The following EP300 variants were observed in gnomAD, a reference collection of about 807,000 sequenced individuals.
EP300 encodes EP300 lysine acetyltransferase.
In EP300, 31 loss-of-function variants were observed where a neutral mutation model predicts 264.0. That is an observed-to-expected ratio of 0.12 (90% CI 0.09 to 0.16). The LOEUF is 0.16. Among genes scored for constraint, EP300 ranks in the 10% least tolerant of loss-of-function variants. EP300 has a pLI of 1.00. For missense variants in EP300, 2,766 were observed against 3,052.9 expected, an observed-to-expected ratio of 0.91 and a Z score of 2.21; for synonymous variants, 1,340 against 1,045.4, an observed-to-expected ratio of 1.28 and a Z score of -5.44.
chr22:41,097,808 CAG>C (rs1220784961), intron 1 of EP300, among the ~76,000 whole-genome samples: 2 of 151,350 alleles, frequency 1.3e-5, no homozygotes, highest in Non-Finnish European at 2.9e-5. Flanking sequence ...TTTTTTGAGG[CAG>C]AGTCTCGCTT....
intron 23 of EP300, chr22:41,168,189 G>T (rs1357649014): frequency 2.1e-6 from 1 of 477,478 alleles, no homozygotes. Flanking sequence ...TGGGGAAAAT[G>T]ATATTTAGAA....
At chr22:41,152,067 A>G in intron 15 of EP300, 55 bp downstream of exon 15, 1 of 1,606,902 alleles carries the variant, frequency 6.2e-7, no homozygotes, top group Non-Finnish European at 8.5e-7. Context: ...ATAGGAACCC[A>G]AGTTTTAAAA....
At chr22:41,146,673 G>A (rs2145732032) in intron 10 of EP300, 66 bp from the exon 11 acceptor site, 2 of 1,345,192 alleles carry the variant, frequency 1.5e-6, no homozygotes, top group Non-Finnish European at 2.1e-6. Flanking sequence ...GTTTGTGTGT[G>A]CAGTGAGTTT....
rs760059559 is a variant in EP300, at chr22:41,149,797, C to T, written c.2416C>T (p.Pro806Ser). The T allele has an allele frequency of 1.2e-6, 2 of 1,614,112 alleles. No homozygotes were observed. Among genetic ancestry groups the T allele is most frequent in the Non-Finnish European group, 8.5e-7 (1 of 1,180,006 alleles). Reference protein sequence around the residue: ...MSSSSCPVNSPIMPPGSQGSH... With the variant: ...MSSSSCPVNSSIMPPGSQGSH... Reference sequence around the variant, plus strand: ...TAGTTCTTCCTGCCCGGTGAACTCTCCTATAATGCCTCCAGGGTCTCAGGG... The same window carrying T: ...TAGTTCTTCCTGCCCGGTGAACTCTTCTATAATGCCTCCAGGGTCTCAGGG... Residue 806 changes from proline (P) to serine (S), a missense_variant, in exon 14 of 31, where the codon CCT becomes TCT. Transcript: ENST00000263253.
intron 8 of EP300, among the ~76,000 whole-genome samples, chr22:41,139,316 T>G (rs1435769841): frequency 6.6e-6 from 1 of 152,234 alleles, no homozygotes; most frequent in Non-Finnish European, 1.5e-5. Context: ...TTCACAAGTT[T>G]AATGAAATTA....
At chr22:41,171,562 C>A (rs2059170978) in intron 27 of EP300, among the ~76,000 whole-genome samples, 1 of 151,998 alleles carries the variant, frequency 6.6e-6, no homozygotes, top group South Asian at 2.1e-4. Context: ...GTCTCAAACT[C>A]CTGAGCTCAA....
Position 41,131,642 on chromosome 22 carries a change from G to T in EP300, c.1528+9G>T, listed in dbSNP as rs369904435. On this transcript the variant is annotated intron_variant, in intron 6 of 30. Coordinates refer to ENST00000263253, the MANE Select transcript of EP300 (RefSeq NM_001429.4). ...GCCCATGAGCAACATGAGTAAGTTT[G>T]TGTCATCCTAATAACATGGTATTGG... 1 of 1,614,080 alleles carries T rather than the reference G, an allele frequency of 6.2e-7. No homozygotes were observed. Among genetic ancestry groups the T allele is most frequent in the Non-Finnish European group, 8.5e-7 (1 of 1,180,044 alleles).
intron 10 of EP300, among the ~76,000 whole-genome samples, chr22:41,141,919 C>T (rs369768252): frequency 3.9e-5 from 6 of 152,114 alleles, no homozygotes; most frequent in African/African-American, 7.2e-5. Context: ...TCAAATGATC[C>T]GCCCACCTTG....
At chr22:41,134,953 G>A (rs1191513757) in intron 6 of EP300, among the ~76,000 whole-genome samples, 1 of 151,686 alleles carries the variant, frequency 6.6e-6, no homozygotes, top group Non-Finnish European at 1.5e-5. Context: ...TGTCGCCCAG[G>A]CTGGAGTGTA....
chr22:41,119,698 C>G (rs1369247168), intron 2 of EP300, among the ~76,000 whole-genome samples: 1 of 146,676 alleles, frequency 6.8e-6, no homozygotes, highest in Non-Finnish European at 1.5e-5. Flanking sequence ...TAATTTCTTT[C>G]AGAAACTGGG....
chr22:41,136,207 G>A (rs1435970111), intron 7 of EP300, among the ~76,000 whole-genome samples: 1 of 152,108 alleles, frequency 6.6e-6, no homozygotes, highest in Non-Finnish European at 1.5e-5. Flanking sequence ...TGTACTTTTG[G>A]TAGAGACAGG....
rs1316623755 is a variant in EP300 at position 41,092,603 on chromosome 22, G to C, written c.-402G>C. 2 of 617,062 alleles carry C rather than the reference G, an allele frequency of 3.2e-6. No homozygotes were observed. Among genetic ancestry groups the C allele is most frequent in the Non-Finnish European group, 5.9e-6 (2 of 340,182 alleles). The allele number at this position is 617,062 out of a possible 1,614,324, so 38.2% of individuals were successfully genotyped here. A position where few individuals can be genotyped will look rare whatever the true frequency, so the allele number is the denominator to read the frequency against. On this transcript the variant is annotated 5_prime_UTR_variant, in exon 1 of 31. Coordinates refer to ENST00000263253, the MANE Select transcript of EP300 (RefSeq NM_001429.4). ...CTCCTTGTGGCGATGAGAAGGAGGA[G>C]GACAGCGCCGAGGAGGAAGAGGTTG...
intron 22 of EP300, among the ~76,000 whole-genome samples, chr22:41,166,114 A>G (rs2059132892): frequency 6.6e-6 from 1 of 152,170 alleles, no homozygotes; most frequent in Non-Finnish European, 1.5e-5. Flanking sequence ...TGTCTGCTGC[A>G]TTTTTAATGG....
chr22:41,146,382 G>C (rs2059010892), intron 10 of EP300, among the ~76,000 whole-genome samples: 1 of 152,220 alleles, frequency 6.6e-6, no homozygotes, highest in South Asian at 2.1e-4. Flanking sequence ...GGCTAGGCTG[G>C]TTTTGAACTC....
intron 4 of EP300, 68 bp downstream of exon 4, chr22:41,127,816 T>A: frequency 2.5e-6 from 4 of 1,594,918 alleles, no homozygotes; most frequent in Non-Finnish European, 2.6e-6. Context: ...GAAAATGTGA[T>A]CAAGTCTATT....
rs2058972764 is a variant in EP300 at position 41,140,037 on chromosome 22, C to T, written c.1761-103C>T. ...TCAGTAAGTAATATATATCACCTTG[C>T]CATTATTTTTTCTTTTCCTCTATGT... On this transcript the variant is annotated intron_variant, in intron 8 of 30. Coordinates refer to ENST00000263253, the MANE Select transcript of EP300 (RefSeq NM_001429.4). The T allele has an allele frequency of 4.9e-6, 4 of 818,780 alleles. No homozygotes were observed. The South Asian group carries it at 5.5e-5, about 11-fold the overall frequency. 50.7% of individuals were successfully genotyped at this position (818,780 alleles called of 1,614,324 possible). A position where few individuals can be genotyped will look rare whatever the true frequency, so the allele number is the denominator to read the frequency against.
chr22:41,100,775 A>AT (rs1260672557), intron 1 of EP300, among the ~76,000 whole-genome samples: 1 of 152,138 alleles, frequency 6.6e-6, no homozygotes, highest in Non-Finnish European at 1.5e-5. Context: ...GCATCCTCAG[A>AT]TTTTGGTATC....
intron 14 of EP300, among the ~76,000 whole-genome samples, chr22:41,151,018 A>G (rs566749004): frequency 1.3e-5 from 2 of 152,320 alleles, no homozygotes; most frequent in Non-Finnish European, 2.9e-5. Flanking sequence ...TATGTATATA[A>G]TAAAAATCCA....
chr22:41,097,672 G>T (rs1343414163), intron 1 of EP300, among the ~76,000 whole-genome samples: 14 of 152,178 alleles, frequency 9.2e-5, no homozygotes, highest in Admixed American at 9.2e-4. Flanking sequence ...CTAGTTTTAT[G>T]TTTGTCCAGA....
Sources: allele counts gnomAD v4.1 joint callset (sites outside exome capture counted in the v4.1 genomes callset), GRCh38; gene constraint gnomAD v4.1.1; transcripts MANE v1.5; gene names NCBI Gene and HGNC (gene_info 2026-07-23, HGNC 2026-07-21).